The following CFL2 variants were observed in gnomAD, a reference collection of about 807,000 sequenced individuals.
CFL2 encodes the protein cofilin 2.
In CFL2, 10 loss-of-function variants were observed where a neutral mutation model predicts 19.6. The observed-to-expected ratio is 0.51, with a 90% CI of 0.31 to 0.86. The LOEUF is 0.86. CFL2 is among the 40% of genes least tolerant of loss of function. The pLI, the probability that CFL2 is intolerant of heterozygous loss-of-function variation, is 0.04. For synonymous variants in CFL2, 63 were observed against 66.7 expected, an observed-to-expected ratio of 0.95 and a Z score of 0.27; for missense variants, 125 against 192.1, an observed-to-expected ratio of 0.65 and a Z score of 2.06.
chr14:34,713,160 GA>G, intron 2 of CFL2, 24 bp from the exon 3 acceptor site: 6 of 1,566,976 alleles, frequency 3.8e-6, no homozygotes, highest in Non-Finnish European at 5.2e-6. Flanking sequence ...AAAAATTATT[GA>G]ATCCCATTTA....
chr14:34,713,862 G>GT (rs1594785244), intron 1 of CFL2: 1 of 1,502,452 alleles, frequency 6.7e-7, no homozygotes, highest in East Asian at 2.5e-5. Context: ...AGCTTCAGGA[G>GT]TGGCAGCAAA....
chr14:34,713,704 T>C, intron 1 of CFL2, 143 bp from the exon 2 acceptor site: 1 of 1,612,712 alleles, frequency 6.2e-7, no homozygotes, highest in Non-Finnish European at 8.5e-7. Flanking sequence ...ATTTGTCACA[T>C]TTTAAGAATC....
Position 34,712,116 on chromosome 14 carries a change from A to G in CFL2, c.*749T>C, listed in dbSNP as rs1160616916. 2.2e-6 allele frequency: 1 copy of G among 454,582 alleles called. No individual in the cohort carries two copies. Among genetic ancestry groups the G allele is most frequent in the Non-Finnish European group, 4.4e-6 (1 of 226,776 alleles). The allele number at this position is 454,582 out of a possible 1,614,324, so 28.2% of individuals were successfully genotyped here. A position where few individuals can be genotyped will look rare whatever the true frequency, so the allele number is the denominator to read the frequency against. ...AAGGCTCTTTTATACAGAAATTGCC[A>G]TCATGACTGATATTCAAAATATCTT... On this transcript the variant is annotated 3_prime_UTR_variant, in exon 4 of 4. Coordinates refer to ENST00000298159, the MANE Select transcript of CFL2 (RefSeq NM_138638.5).
chr14:34,711,912 T>C lies in CFL2; in HGVS notation c.*953A>G, dbSNP rs755868235. On this transcript the variant is annotated 3_prime_UTR_variant, in exon 4 of 4. Coordinates refer to ENST00000298159, the MANE Select transcript of CFL2 (RefSeq NM_138638.5). ...CATGAATGCTGTACAAAAAAAATTC[T>C]CAAATGACCAGTGCAGAGATTAGTA... The C allele has an allele frequency of 2.2e-6, 1 of 454,194 alleles. No individual in the cohort carries two copies. The highest frequency in any genetic ancestry group is 1.6e-5 in the South Asian group (1 of 64,332). 28.1% of individuals were successfully genotyped at this position (454,194 alleles called of 1,614,324 possible). A position where few individuals can be genotyped will look rare whatever the true frequency, so the allele number is the denominator to read the frequency against.
At chr14:34,713,590 GA>G in intron 1 of CFL2, 29 bp from the exon 2 acceptor site, 1 of 1,613,864 alleles carries the variant, frequency 6.2e-7, no homozygotes. Flanking sequence ...CAGTAATTCA[GA>G]ACACGTATTT....
rs185256904 is a variant in CFL2, at chr14:34,709,277, T to C, written c.*3588A>G. 1.1e-4 allele frequency: 16 copies of C among 152,210 alleles called. No homozygotes were observed. Among genetic ancestry groups the C allele is most frequent in the Non-Finnish European group, 1.6e-4 (11 of 68,002 alleles). The allele number at this position is 152,210 out of a possible 1,614,324, so 9.4% of individuals were successfully genotyped here. A position where few individuals can be genotyped will look rare whatever the true frequency, so the allele number is the denominator to read the frequency against. ...TGGTAAACAGATATTACCGTTCCCA[T>C]ACTATGGGTTAAAAAACTGAGATTT... On this transcript the variant is annotated 3_prime_UTR_variant, in exon 4 of 4. Transcript: ENST00000298159.
chr14:34,711,713 T>G lies in CFL2; in HGVS notation c.*1152A>C, dbSNP rs1238260583. On this transcript the variant is annotated 3_prime_UTR_variant, in exon 4 of 4. Coordinates refer to ENST00000298159, the MANE Select transcript of CFL2 (RefSeq NM_138638.5). ...AGAGAACAAATCAGATATTGAAAAG[T>G]ATTTATGCCAAAGTGCAAAAAATAA... The G allele has an allele frequency of 2.2e-6, 1 of 444,686 alleles. No homozygotes were observed. 27.5% of individuals were successfully genotyped at this position (444,686 alleles called of 1,614,324 possible).
At chr14:34,713,005 C>T (rs774192992) in intron 3 of CFL2, 28 bp from the exon 4 acceptor site, 13 of 1,556,238 alleles carry the variant, frequency 8.4e-6, no homozygotes, top group Non-Finnish European at 1.1e-5. Flanking sequence ...TATCCTATTA[C>T]TTTATTATAA....
chr14:34,714,095 A>G, intron 1 of CFL2: 1 of 371,076 alleles, frequency 2.7e-6, no homozygotes, highest in Admixed American at 4.4e-5. Context: ...TTACGGCGAG[A>G]AAGCATTTTA....
chr14:34,713,454 G>C lies in CFL2; in HGVS notation c.111C>G (p.Leu37=). The C allele has an allele frequency of 6.2e-7, 1 of 1,614,062 alleles. No individual in the cohort carries two copies. ...EEIKKRKKAV[L]FCLSDDKRQI... ...GTCTTTTGTCATCGCTTAAACAGAA[G>C]AGAACTGCTTTCTTTCTCTTTTTGA... Residue 37 remains leucine, a synonymous_variant, in exon 2 of 4, where the codon CTC becomes CTG. Coordinates refer to ENST00000298159, the MANE Select transcript of CFL2 (RefSeq NM_138638.5).
At position 34,711,158 on chromosome 14, in the gene CFL2, A is replaced by T; in HGVS notation, c.*1707T>A. ...ATGGAAAAAATCTAATTATACTAAA[A>T]TTACTTCCACACATTCAAAAAAAAT... On this transcript the variant is annotated 3_prime_UTR_variant, in exon 4 of 4. Transcript: ENST00000298159. The T allele has an allele frequency of 2.2e-6, 1 of 453,550 alleles. No homozygotes were observed. The highest frequency in any genetic ancestry group is 4.4e-6 in the Non-Finnish European group (1 of 226,722). The allele number at this position is 453,550 out of a possible 1,614,324, so 28.1% of individuals were successfully genotyped here.
chr14:34,713,834 T>C (rs1812018028), intron 1 of CFL2: 2 of 1,553,602 alleles, frequency 1.3e-6, no homozygotes, highest in Non-Finnish European at 1.7e-6. Context: ...TGTTTCCTAT[T>C]TCACTGGGTG....
rs1885212427 is a variant in CFL2 at position 34,709,434 on chromosome 14, G to C, written c.*3431C>G. 6.6e-6 allele frequency: 1 copy of C among 151,832 alleles called. No homozygotes were observed. The highest frequency in any genetic ancestry group is 6.6e-5 in the Admixed American group (1 of 15,226). 9.4% of individuals were successfully genotyped at this position (151,832 alleles called of 1,614,324 possible). On this transcript the variant is annotated 3_prime_UTR_variant, in exon 4 of 4. Transcript: ENST00000298159. ...AAGAAAAGCCTCAGACTTCTTTATG[G>C]GCTGAAAGGAGACAGAACATCCATA...
chr14:34,714,572 C>T lies in CFL2; in HGVS notation c.-32G>A, dbSNP rs747322046. The T allele has an allele frequency of 1.9e-6, 3 of 1,548,024 alleles. No homozygotes were observed. The highest frequency in any genetic ancestry group is 2.6e-6 in the Non-Finnish European group (3 of 1,141,862). On this transcript the variant is annotated 5_prime_UTR_variant, in exon 1 of 4. Coordinates refer to ENST00000298159, the MANE Select transcript of CFL2 (RefSeq NM_138638.5). Reference sequence around the variant, plus strand: ...CTCGGCTGTGGCTGCGGCGGCAGCTCGGGCTTCGGCTCTGTGGCACTGGGA... The same window carrying T: ...CTCGGCTGTGGCTGCGGCGGCAGCTTGGGCTTCGGCTCTGTGGCACTGGGA...
chr14:34,714,273 C>A (rs1885418597), intron 1 of CFL2: 3 of 460,812 alleles, frequency 6.5e-6, no homozygotes, highest in Non-Finnish European at 1.1e-5. Context: ...AGTCCGCAGA[C>A]CCTCTCGCGC....
chr14:34,713,219 T>C (rs773337503), intron 2 of CFL2, 35 bp downstream of exon 2: 2 of 1,595,734 alleles, frequency 1.3e-6, no homozygotes, highest in Non-Finnish European at 1.7e-6. Context: ...AATCCTTGCA[T>C]TTTAAAAGTA....
rs1885376917 is a variant in CFL2 at position 34,713,241 on chromosome 14, TG to T, written c.311+12del. 1 of 1,607,662 alleles carries T rather than the reference TG, an allele frequency of 6.2e-7. No homozygotes were observed. Among genetic ancestry groups the T allele is most frequent in the East Asian group, 2.2e-5 (1 of 44,836 alleles). ...GCATTTTAAAAGTACTTTTTTCTTT[TG>T]TTTTTACACACCAGAATATAAATAC... is the stretch of plus-strand genomic sequence containing the variant. On this transcript the variant is annotated intron_variant, in intron 2 of 3. Coordinates refer to ENST00000298159, the MANE Select transcript of CFL2 (RefSeq NM_138638.5).
At chr14:34,713,016 T>C in intron 3 of CFL2, 39 bp from the exon 4 acceptor site, 1 of 1,526,184 alleles carries the variant, frequency 6.6e-7, no homozygotes, top group Non-Finnish European at 9.0e-7. Context: ...TTTATTATAA[T>C]TAATAAAGAA....
At chr14:34,714,230 G>A (rs1885416950) in intron 1 of CFL2, 1 of 420,070 alleles carries the variant, frequency 2.4e-6, no homozygotes, top group Non-Finnish European at 4.2e-6. Context: ...GTAAAATTAG[G>A]AAGCGAAGGG....
Sources: gnomAD v4.1 joint callset for allele counts on GRCh38, gnomAD v4.1.1 for gene constraint, MANE v1.5 for transcripts, NCBI Gene and HGNC (gene_info 2026-07-23, HGNC 2026-07-21) for gene names.